The following CDH13 variants were observed in gnomAD, a reference collection of about 807,000 sequenced individuals.
The protein encoded by CDH13 is cadherin-13.
A neutral mutation model predicts 63.8 loss-of-function variants in CDH13; 24 were observed. The observed-to-expected ratio is 0.38, with a 90% CI of 0.27 to 0.53. CDH13 has a LOEUF of 0.53. Among genes scored for constraint, CDH13 ranks in the 20% least tolerant of loss-of-function variants. CDH13 has a pLI of 0.85. For synonymous variants in CDH13, 503 were observed against 355.3 expected, an observed-to-expected ratio of 1.42 and a Z score of -4.67; for missense variants, 1,049 against 903.1, an observed-to-expected ratio of 1.16 and a Z score of -2.07.
chr16:82,903,165 A>G (rs1008764438), intron 2 of CDH13, among the ~76,000 whole-genome samples: 2 of 152,262 alleles, frequency 1.3e-5, no homozygotes, highest in Admixed American at 6.5e-5. Flanking sequence ...TGACTTATTC[A>G]TAGGATAACC....
intron 6 of CDH13, among the ~76,000 whole-genome samples, chr16:83,419,681 T>C (rs1216681379): frequency 6.6e-6 from 1 of 152,220 alleles, no homozygotes; most frequent in African/African-American, 2.4e-5. Context: ...CGCAGTATTA[T>C]ATAAAGTGAC....
intron 2 of CDH13, among the ~76,000 whole-genome samples, chr16:83,000,901 A>G (rs1257850191): frequency 6.6e-6 from 1 of 152,190 alleles, no homozygotes; most frequent in African/African-American, 2.4e-5. Flanking sequence ...AGGACAGAAC[A>G]TGACTTGAGG....
rs548834627 is a variant in CDH13 at position 83,748,217 on chromosome 16, G to A, written c.1648G>A (p.Val550Met). 129 of 1,613,566 alleles carry A rather than the reference G, an allele frequency of 8.0e-5. No individual in the cohort carries two copies. The highest frequency in any genetic ancestry group is 5.0e-4 in the Admixed American group (30 of 60,014). The change falls in exon 11 of 14, where the codon GTG (valine) becomes ATG (methionine). Residue 550 changes from valine (V) to methionine (M), a missense_variant. Val to Met is a conservative substitution (Grantham distance 21). Coordinates refer to ENST00000567109, the MANE Select transcript of CDH13 (RefSeq NM_001257.5). ...DRESPFVDNS[V>M]YTALFLAIDS... is the part of the protein sequence containing the mutation. ...TGAGTCCCCATTTGTCGACAACAGCGTGTACACTGCTCTCTTCCTGGCAAT... is the reference window on the plus strand; with the variant it reads ...TGAGTCCCCATTTGTCGACAACAGCATGTACACTGCTCTCTTCCTGGCAAT...
At chr16:83,577,939 A>C (rs565962455) in intron 7 of CDH13, among the ~76,000 whole-genome samples, 13 of 152,258 alleles carry the variant, frequency 8.5e-5, no homozygotes, top group Non-Finnish European at 2.9e-5. Context: ...ATTGTAATAC[A>C]TAAATACCTT....
chr16:82,926,146 C>T (rs1441830538), intron 2 of CDH13: 1 of 152,072 alleles, frequency 6.6e-6, no homozygotes, highest in African/African-American at 2.4e-5. Context: ...TATAAAGGTC[C>T]AGGTAGTAAA....
chr16:83,461,819 G>A (rs191664067), intron 6 of CDH13, among the ~76,000 whole-genome samples: 1 of 152,316 alleles, frequency 6.6e-6, no homozygotes, highest in African/African-American at 2.4e-5. Flanking sequence ...AGCTATAGTG[G>A]AACTTCGAGG....
At chr16:82,835,578 G>A (rs186583575) in intron 1 of CDH13, among the ~76,000 whole-genome samples, 4 of 152,166 alleles carry the variant, frequency 2.6e-5, no homozygotes, top group East Asian at 1.9e-4. Flanking sequence ...TTCCAATTCC[G>A]CTGCTGGTTA....
chr16:82,690,059 T>C (rs1915489290), intron 1 of CDH13, among the ~76,000 whole-genome samples: 1 of 133,338 alleles, frequency 7.5e-6, no homozygotes, highest in Non-Finnish European at 1.5e-5. Flanking sequence ...TCTCAGCTAC[T>C]TGGGAGGCTG....
intron 7 of CDH13, among the ~76,000 whole-genome samples, chr16:83,558,527 G>A (rs540110117): frequency 1.3e-5 from 2 of 152,280 alleles, no homozygotes; most frequent in Admixed American, 1.3e-4. Context: ...AATAAGCAAC[G>A]TGGACCACAG....
chr16:83,378,914 G>A lies in CDH13; in HGVS notation c.781+33908G>A, dbSNP rs543993723. ...CTCATGCTAAACTTGTGGTCCACCAGAAACTTAAGTGCATATTTCTTATAA... is the reference window on the plus strand; with the variant it reads ...CTCATGCTAAACTTGTGGTCCACCAAAAACTTAAGTGCATATTTCTTATAA... On this transcript the variant is annotated intron_variant, in intron 6 of 13. Transcript: ENST00000567109. Among the ~76,000 whole-genome samples, 22 of 152,138 alleles carry A rather than the reference G, an allele frequency of 1.4e-4. 1 individual carries two copies. The highest frequency in any genetic ancestry group is 3.4e-3 in the Middle Eastern group (1 of 294).
At chr16:82,945,252 C>A (rs974735362) in intron 2 of CDH13, among the ~76,000 whole-genome samples, 1 of 152,136 alleles carries the variant, frequency 6.6e-6, no homozygotes, top group African/African-American at 2.4e-5. Context: ...GTGTAGTCCC[C>A]AAAGTGTCCA....
At chr16:83,331,463 T>C (rs1343651779) in intron 5 of CDH13, among the ~76,000 whole-genome samples, 2 of 152,204 alleles carry the variant, frequency 1.3e-5, no homozygotes, top group African/African-American at 4.8e-5. Flanking sequence ...ATGTTGCATG[T>C]CTTAGAGTTT....
intron 4 of CDH13, among the ~76,000 whole-genome samples, chr16:83,176,208 A>C (rs2038116178): frequency 6.6e-6 from 1 of 151,796 alleles, no homozygotes; most frequent in African/African-American, 2.4e-5. Flanking sequence ...ATGACTTGTA[A>C]AACGTTGTAC....
intron 4 of CDH13, among the ~76,000 whole-genome samples, chr16:83,215,583 G>T (rs1188866018): frequency 6.6e-6 from 1 of 151,554 alleles, no homozygotes; most frequent in Non-Finnish European, 1.5e-5. Flanking sequence ...AGGCACCATT[G>T]CCACCTGGTG....
At chr16:83,470,257 A>C (rs894657989) in intron 6 of CDH13, among the ~76,000 whole-genome samples, 22 of 152,098 alleles carry the variant, frequency 1.4e-4, no homozygotes. Context: ...GTGTCTCACC[A>C]TGTTGCCCAG....
intron 10 of CDH13, among the ~76,000 whole-genome samples, chr16:83,707,752 A>G (rs1044418448): frequency 1.3e-5 from 2 of 150,102 alleles, no homozygotes; most frequent in Admixed American, 6.7e-5. Context: ...GAAAGCGAGA[A>G]AGAGGGAAGG....
intron 1 of CDH13, among the ~76,000 whole-genome samples, chr16:82,809,768 G>A (rs765824050): frequency 1.1e-4 from 17 of 152,024 alleles, no homozygotes; most frequent in Admixed American, 2.0e-4. Context: ...TTCAAGACCC[G>A]TTTTCTGAGC....
chr16:83,427,969 G>T (rs1316552039), intron 6 of CDH13, among the ~76,000 whole-genome samples: 1 of 152,174 alleles, frequency 6.6e-6, no homozygotes, highest in African/African-American at 2.4e-5. Context: ...CGACAGAAAA[G>T]CCAGGGTGAT....
At chr16:83,118,784 G>A (rs568941710) in intron 3 of CDH13, among the ~76,000 whole-genome samples, 2 of 152,114 alleles carry the variant, frequency 1.3e-5, no homozygotes, top group South Asian at 2.1e-4. Flanking sequence ...GTCCTGTCTC[G>A]AGGGGAGCAG....
Sources: allele counts gnomAD v4.1 joint callset (sites outside exome capture counted in the v4.1 genomes callset), GRCh38; gene constraint gnomAD v4.1.1; transcripts MANE v1.5; gene names NCBI Gene and HGNC (gene_info 2026-07-23, HGNC 2026-07-21).